The following FHL2 variants were observed in gnomAD, a reference collection of about 807,000 sequenced individuals.
FHL2 encodes the protein four and a half LIM domains protein 2.
In FHL2, 20 loss-of-function variants were observed where a neutral mutation model predicts 32.7. The observed-to-expected ratio is 0.61, with a 90% confidence interval of 0.43 to 0.89. The LOEUF (loss-of-function observed/expected upper bound fraction) is 0.89, where lower values mean the gene tolerates loss of function less well. FHL2 is among the 40% of genes least tolerant of loss of function. The pLI, the probability that FHL2 is intolerant of heterozygous loss-of-function variation, is 0.00. For missense variants in FHL2, 311 were observed against 358.6 expected (o/e 0.87, Z 1.07); for synonymous variants, 123 against 128.1 (o/e 0.96, Z 0.27).
chr2:105,368,518 A>T (rs1279605185), intron 4 of FHL2, among the ~76,000 whole-genome samples: 3 of 152,162 alleles, frequency 2.0e-5, no homozygotes, highest in Non-Finnish European at 4.4e-5. Context: ...TTACTTGTAC[A>T]TCCCATTTAG....
At chr2:105,424,360 T>A (rs1414773545) in intron 1 of FHL2, among the ~76,000 whole-genome samples, 1 of 152,150 alleles carries the variant, frequency 6.6e-6, no homozygotes, top group African/African-American at 2.4e-5. Flanking sequence ...TGCTGATCAT[T>A]AAAAAGTCAG....
At chr2:105,426,619 G>T (rs1684276337) in intron 1 of FHL2, among the ~76,000 whole-genome samples, 1 of 152,182 alleles carries the variant, frequency 6.6e-6, no homozygotes. Flanking sequence ...AAAATTACAG[G>T]AAGAGGCTAG....
intron 1 of FHL2, among the ~76,000 whole-genome samples, chr2:105,426,652 A>G (rs1235813667): frequency 6.6e-6 from 1 of 152,144 alleles, no homozygotes; most frequent in Non-Finnish European, 1.5e-5. Context: ...TGCTGCAAAG[A>G]CCCCGAAACA....
chr2:105,380,951 G>T (rs1414146276), intron 3 of FHL2, among the ~76,000 whole-genome samples: 1 of 152,096 alleles, frequency 6.6e-6, no homozygotes, highest in African/African-American at 2.4e-5. Context: ...TCCTAACATG[G>T]GCTGTGCCTG....
At chr2:105,432,427 A>G (rs775012264) in intron 1 of FHL2, among the ~76,000 whole-genome samples, 6 of 152,216 alleles carry the variant, frequency 3.9e-5, no homozygotes, top group Non-Finnish European at 8.8e-5. Flanking sequence ...ACATTTGGCC[A>G]TTGGTTCTCT....
intron 4 of FHL2, among the ~76,000 whole-genome samples, chr2:105,371,631 G>A (rs964729740): frequency 1.3e-4 from 20 of 151,476 alleles, no homozygotes; most frequent in Non-Finnish European, 5.9e-5. Flanking sequence ...TTTCTCTGGA[G>A]AACGTGACTA....
rs1292376985 is a variant in FHL2 at position 105,363,333 on chromosome 2, A to T, written c.640T>A (p.Cys214Ser). 1 of 1,614,228 alleles carries T rather than the reference A, an allele frequency of 6.2e-7. No individual in the cohort carries two copies. The highest frequency in any genetic ancestry group is 8.5e-7 in the Non-Finnish European group (1 of 1,180,040). ...GCACACTTCTTGGCATACAAGTCAC[A>T]GAAGCAGTTCAGGCAGTAGGCAAAG... ...DDFAYCLNCF[C>S]DLYAKKCAGC... The change falls in exon 6 of 7, where the codon TGT becomes AGT. Residue 214 changes from cysteine (C) to serine (S), a missense_variant. By Grantham distance (112) the Cys-to-Ser change is moderately radical (BLOSUM62 -1). Coordinates refer to ENST00000530340, the MANE Select transcript of FHL2 (RefSeq NM_001318895.3).
chr2:105,388,668 C>CAA (rs34817426), intron 2 of FHL2, among the ~76,000 whole-genome samples: 3,155 of 129,722 alleles, frequency 0.024, 97 homozygotes, highest in African/African-American at 0.085. Context: ...ACTAAAAATA[C>CAA]AAAAAAAAAA....
chr2:105,421,767 A>G (rs1684108800), intron 1 of FHL2, among the ~76,000 whole-genome samples: 1 of 152,188 alleles, frequency 6.6e-6, no homozygotes, highest in African/African-American at 2.4e-5. Context: ...CTGATATCGT[A>G]ACTGTCAAAT....
intron 5 of FHL2, 27 bp from the exon 6 acceptor site, chr2:105,363,498 G>A: frequency 6.4e-7 from 1 of 1,574,178 alleles, no homozygotes; most frequent in Non-Finnish European, 8.6e-7. Flanking sequence ...GAGAGTTAGT[G>A]TGGCCTCTGT....
intron 1 of FHL2, among the ~76,000 whole-genome samples, chr2:105,397,884 TTTTG>T (rs1455780633): frequency 1.5e-4 from 12 of 79,614 alleles, no homozygotes; most frequent in East Asian, 1.1e-3. Context: ...TTTTTTTGTT[TTTTG>T]TTTTTTTTTG....
intron 1 of FHL2, among the ~76,000 whole-genome samples, chr2:105,416,727 A>G (rs1481884532): frequency 6.6e-6 from 1 of 152,218 alleles, no homozygotes; most frequent in Non-Finnish European, 1.5e-5. Flanking sequence ...ACAGTAATTG[A>G]TATCACCATC....
chr2:105,401,064 CTT>C (rs10561053), upstream of FHL2, among the ~76,000 whole-genome samples: 11,656 of 125,468 alleles, frequency 0.093, 613 homozygotes, highest in East Asian at 0.32. Flanking sequence ...TTATTGGATT[CTT>C]TTTTTTTTTT....
At chr2:105,369,612 A>G (rs1309186370) in intron 4 of FHL2, among the ~76,000 whole-genome samples, 1 of 152,246 alleles carries the variant, frequency 6.6e-6, no homozygotes, top group African/African-American at 2.4e-5. Flanking sequence ...GAATCCTAAA[A>G]CAAACATTAC....
chr2:105,391,388 A>G (rs559889586), intron 2 of FHL2, among the ~76,000 whole-genome samples: 9 of 152,300 alleles, frequency 5.9e-5, no homozygotes, highest in Middle Eastern at 3.4e-3. Flanking sequence ...GAGAGCAGGC[A>G]GGCATCCCAG....
chr2:105,390,002 G>GCAGA (rs1682597745), intron 2 of FHL2: 1 of 152,370 alleles, frequency 6.6e-6, no homozygotes, highest in African/African-American at 2.4e-5. Flanking sequence ...GCTGAGGCGG[G>GCAGA]TGAAACACGA....
intron 3 of FHL2, 145 bp downstream of exon 3, chr2:105,386,216 G>A (rs1004145677): frequency 3.8e-5 from 32 of 834,982 alleles, no homozygotes; most frequent in African/African-American, 2.2e-4. Flanking sequence ...AGAAGCTTCC[G>A]AAAGGCTACA....
chr2:105,434,375 C>T (rs572212735), intron 1 of FHL2, among the ~76,000 whole-genome samples: 1 of 152,280 alleles, frequency 6.6e-6, no homozygotes, highest in Admixed American at 6.5e-5. Context: ...AGTTCGAGAC[C>T]AGCCTGGCCA....
chr2:105,363,164 G>T (rs1389047565), intron 6 of FHL2, 121 bp downstream of exon 6: 2 of 888,348 alleles, frequency 2.3e-6, no homozygotes, highest in East Asian at 2.6e-5. Flanking sequence ...AAAGTCTGCT[G>T]TGTTCAGAGC....
Sources: gnomAD v4.1 joint callset for allele counts (sites outside exome capture counted in the v4.1 genomes callset) on GRCh38, gnomAD v4.1.1 for gene constraint, MANE v1.5 for transcripts, NCBI Gene and HGNC (gene_info 2026-07-23, HGNC 2026-07-21) for gene names.